Variants in PTPRF observed in about 807,000 individuals in gnomAD.
PTPRF encodes receptor-type tyrosine-protein phosphatase F.
A neutral mutation model predicts 201.8 loss-of-function variants in PTPRF; 59 were observed. The ratio of observed to expected loss-of-function variants is 0.29; its 90% CI spans 0.24 to 0.36. PTPRF has a LOEUF of 0.36. PTPRF is among the 10% of genes least tolerant of loss of function. The pLI is 1.00. For missense variants in PTPRF, 2,132 were observed against 2,690.5 expected (o/e 0.79, Z 4.59); for synonymous variants, 1,088 against 1,089.7 (o/e 1.00, Z 0.03).
chr1:43,591,301 G>A lies in PTPRF; in HGVS notation c.1279G>A (p.Ala427Thr), dbSNP rs751831806. The A allele has an allele frequency of 7.7e-6, 12 of 1,551,950 alleles. No individual in the cohort carries two copies. The Admixed American group carries it at 9.7e-5, about 13-fold the overall frequency. ...CCGCGTGCAGGCACGCATGCTGAGC[G>A]CCAGCACCATGCTGGTGCAGTGGGA... ...PRRVQARMLSASTMLVQWEPP... is the reference protein window; with the variant it reads ...PRRVQARMLSTSTMLVQWEPP... The change falls in exon 9 of 34, where the codon GCC becomes ACC. Residue 427 changes from alanine (A) to threonine (T), a missense_variant. Around this residue, in one of 6 missense-constraint regions of PTPRF, gnomAD observed 351 missense variants for 401.7 expected, o/e 0.87. Coordinates refer to ENST00000359947, the MANE Select transcript of PTPRF (RefSeq NM_002840.5).
Position 43,619,841 on chromosome 1 carries a change from C to T in PTPRF, c.5094C>T (p.Ser1698=), listed in dbSNP as rs765028860. Residue 1698 remains serine (S), a synonymous_variant, in exon 29 of 34, where the codon AGC becomes AGT. Coordinates refer to ENST00000359947, the MANE Select transcript of PTPRF (RefSeq NM_002840.5). ...GVEGSDYINA[S]FLDGYRQQKA... ...AGGGCTCTGACTACATCAATGCCAG[C>T]TTCCTGGATGGTTATAGGTCAGCAT... The T allele has an allele frequency of 1.8e-5, 29 of 1,614,008 alleles. No homozygotes were observed. Among genetic ancestry groups the T allele is most frequent in the Non-Finnish European group, 2.3e-5 (27 of 1,179,978 alleles).
In PTPRF at chr1:43,620,219, A is replaced by G; in HGVS notation, c.5236A>G (p.Arg1746Gly). Reference sequence around the variant, plus strand: ...GCTGACCAAGCTTCGGGAGATGGGCAGGGTGAGCCCACCCTTTCCCCCAGG... The same window carrying G: ...GCTGACCAAGCTTCGGGAGATGGGCGGGGTGAGCCCACCCTTTCCCCCAGG... Reference protein sequence around the residue: ...VMLTKLREMGREKCHQYWPAE... With the variant: ...VMLTKLREMGGEKCHQYWPAE... The change falls in exon 30 of 34, where the codon AGG becomes GGG. Residue 1746 changes from arginine to glycine, a missense_variant and splice_region_variant. Transcript: ENST00000359947. 1 of 1,613,928 alleles carries G rather than the reference A, an allele frequency of 6.2e-7. No homozygotes were observed. Among genetic ancestry groups the G allele is most frequent in the African/African-American group, 1.3e-5 (1 of 75,036 alleles).
At chr1:43,549,862 CAAA>C (rs765642445) in intron 3 of PTPRF, among the ~76,000 whole-genome samples, 5 of 129,230 alleles carry the variant, frequency 3.9e-5, no homozygotes, top group Admixed American at 3.1e-4. Context: ...ACCCCCCTCT[CAAA>C]AAAAAAAAAG....
intron 5 of PTPRF, among the ~76,000 whole-genome samples, chr1:43,562,398 G>A (rs1307158221): frequency 3.9e-5 from 6 of 151,992 alleles, no homozygotes; most frequent in African/African-American, 1.4e-4. Context: ...GTGAGCCACC[G>A]CGCCTGGCCC....
rs771125743 is a variant in PTPRF, at chr1:43,591,031, C to A, written c.1009C>A (p.Leu337Ile). 1 of 1,614,002 alleles carries A rather than the reference C, an allele frequency of 6.2e-7. No individual in the cohort carries two copies. The highest frequency in any genetic ancestry group is 8.5e-7 in the Non-Finnish European group (1 of 1,179,968). Residue 337 changes from leucine to isoleucine, a missense_variant, in exon 9 of 34, where the codon CTC (leucine) becomes ATC (isoleucine). Physicochemically the swap from Leu to Ile is conservative, Grantham distance 5. Around this residue, in one of 6 missense-constraint regions of PTPRF, gnomAD observed 351 missense variants for 401.7 expected, o/e 0.87. Coordinates refer to ENST00000359947, the MANE Select transcript of PTPRF (RefSeq NM_002840.5). ...AGAGACAACTGCCACCAGTGTCACC[C>A]TCACCTGGGACTCTGGGAACTCGGA... ...VTETTATSVTLTWDSGNSEPV... is the reference protein window; with the variant it reads ...VTETTATSVTITWDSGNSEPV...
chr1:43,614,678 G>A (rs1021910685), intron 23 of PTPRF, among the ~76,000 whole-genome samples: 2 of 152,064 alleles, frequency 1.3e-5, no homozygotes, highest in Non-Finnish European at 2.9e-5. Flanking sequence ...TGGCGAAACT[G>A]CATCTCTACT....
upstream of PTPRF, among the ~76,000 whole-genome samples, chr1:43,523,485 A>G (rs930804530): frequency 6.6e-6 from 1 of 152,166 alleles, no homozygotes; most frequent in Non-Finnish European, 1.5e-5. Context: ...GACTGAGAAG[A>G]AGACCAAGGA....
At chr1:43,605,766 G>C in intron 19 of PTPRF, 144 bp downstream of exon 19, 2 of 779,600 alleles carry the variant, frequency 2.6e-6, no homozygotes, top group Non-Finnish European at 4.3e-6. Flanking sequence ...GCCCCTCTCT[G>C]GAGAGAGGGA....
At chr1:43,606,596 C>A in intron 20 of PTPRF, 138 bp downstream of exon 20, 2 of 1,097,902 alleles carry the variant, frequency 1.8e-6, no homozygotes, top group African/African-American at 1.6e-5. Context: ...ACTAAAGACC[C>A]AAGATCTGTC....
chr1:43,609,272 G>A lies in PTPRF; in HGVS notation c.3858-111G>A. The A allele has an allele frequency of 5.0e-6, 4 of 798,944 alleles. No individual in the cohort carries two copies. The East Asian group carries it at 8.0e-5, about 16-fold the overall frequency. The allele number at this position is 798,944 out of a possible 1,614,324, so 49.5% of individuals were successfully genotyped here. On this transcript the variant is annotated intron_variant, in intron 21 of 33. Transcript: ENST00000359947. ...AGAGATCCTGGGAAGAGGTGGGGCA[G>A]TAGGAGGACAGAGCCGTGGACATGG...
rs1557696226 is a variant in PTPRF, at chr1:43,553,965, CG to C, written c.379+26del. The C allele has an allele frequency of 5.0e-6, 8 of 1,611,586 alleles. 1 individual carries two copies. In the Middle Eastern group the frequency reaches 5.0e-4, roughly 100 times the overall value. ...AGGTACGTGCTAGGGAGACGTGGCA[CG>C]GTGGGCTGCCGGGCTGAGGCGTGGG... is the stretch of plus-strand genomic sequence containing the variant. On this transcript the variant is annotated intron_variant, in intron 5 of 33. Transcript: ENST00000359947. The surrounding 1 kb of genome is among the most constrained non-coding windows in gnomAD (Gnocchi z 4.1).
chr1:43,614,372 A>T (rs1341091603), intron 23 of PTPRF, among the ~76,000 whole-genome samples: 2 of 152,180 alleles, frequency 1.3e-5, no homozygotes, highest in Non-Finnish European at 2.9e-5. Flanking sequence ...CTCAGGCTGT[A>T]CAAGTCCCGC....
chr1:43,611,675 G>A (rs986115912), intron 22 of PTPRF, among the ~76,000 whole-genome samples: 16 of 152,212 alleles, frequency 1.1e-4, no homozygotes, highest in African/African-American at 3.4e-4. Flanking sequence ...AGGAGAAATT[G>A]AGGCAGGGAG....
chr1:43,592,390 G>A, intron 10 of PTPRF, 67 bp from the exon 11 acceptor site: 1 of 1,544,334 alleles, frequency 6.5e-7, no homozygotes, highest in East Asian at 2.3e-5. Flanking sequence ...TGCAGCCCAT[G>A]TTGGGGAACA....
In PTPRF at chr1:43,574,700, GGAGA is replaced by G. The variant is rs1646808225; in HGVS notation, c.569-4103_569-4100del. On this transcript the variant is annotated intron_variant, in intron 6 of 33. Coordinates refer to ENST00000359947, the MANE Select transcript of PTPRF (RefSeq NM_002840.5). ...TATGGACCTCCTGAAAGGGTCTCTT[GGAGA>G]GAGAGAATCATTGTGCGGATTCTTC... 2.6e-5 allele frequency among the ~76,000 whole-genome samples: 4 copies of G among 152,340 alleles called. No individual in the cohort carries two copies. The South Asian group carries it at 6.2e-4, about 24-fold the overall frequency.
Position 43,545,092 on chromosome 1 carries a change from C to T in PTPRF, c.17C>T (p.Ala6Val), listed in dbSNP as rs766928002. The T allele has an allele frequency of 2.5e-6, 4 of 1,582,332 alleles. No homozygotes were observed. In the South Asian group the frequency reaches 4.6e-5, roughly 18 times the overall value. MAPEP[A>V]PGRTMVPLVP... is the part of the protein sequence containing the mutation. ...GAGCCCTGGATGGCCCCTGAGCCAG[C>T]CCCAGGGAGGACGATGGTGCCCCTT... Residue 6 changes from alanine to valine, a missense_variant, in exon 3 of 34, where the codon GCC becomes GTC. Physicochemically the swap from Ala to Val is moderately conservative, Grantham distance 64 (BLOSUM62 0). This residue lies in a region of PTPRF where 297 missense variants were observed against 454.0 expected (regional missense o/e 0.65). Transcript: ENST00000359947.
At chr1:43,527,411 TG>T (rs1425722882), upstream of PTPRF, among the ~76,000 whole-genome samples, 1 of 152,250 alleles carries the variant, frequency 6.6e-6, no homozygotes, top group Non-Finnish European at 1.5e-5. Flanking sequence ...CTCATCCATG[TG>T]GCTTTGGCAC....
intron 6 of PTPRF, among the ~76,000 whole-genome samples, chr1:43,577,645 C>T (rs538029564): frequency 6.6e-6 from 1 of 152,244 alleles, no homozygotes; most frequent in African/African-American, 2.4e-5. Flanking sequence ...CCAGTCCAGG[C>T]AGGGGGGGCC....
At chr1:43,610,208 T>C (rs989425865) in intron 22 of PTPRF, among the ~76,000 whole-genome samples, 3 of 152,136 alleles carry the variant, frequency 2.0e-5, no homozygotes, top group Non-Finnish European at 4.4e-5. Flanking sequence ...AGGAACTGTG[T>C]CTTGTCATCC....
Sources: allele counts gnomAD v4.1 joint callset (sites outside exome capture counted in the v4.1 genomes callset), GRCh38; gene constraint gnomAD v4.1.1; regional missense constraint gnomAD v4.1.1; non-coding constraint Gnocchi (gnomAD v3.1); transcripts MANE v1.5; gene names NCBI Gene and HGNC (gene_info 2026-07-23, HGNC 2026-07-21).